The following EIPR1 variants were observed in gnomAD, a reference collection of about 807,000 sequenced individuals.
The protein encoded by EIPR1 is EARP and GARP complex-interacting protein 1.
Under a neutral mutation model 48.1 loss-of-function variants are expected in EIPR1, and 25 were observed. The ratio of observed to expected loss-of-function variants is 0.52; its 90% confidence interval spans 0.38 to 0.73. EIPR1 has a LOEUF of 0.73. EIPR1 is among the 30% of genes least tolerant of loss of function. The probability of loss-of-function intolerance (pLI) is 0.00; values close to 1 mark genes in which losing one functional copy is unlikely to be tolerated. For missense variants in EIPR1, 415 were observed against 506.2 expected, an observed-to-expected ratio of 0.82 and a Z score of 1.73; for synonymous variants, 204 against 201.9, an observed-to-expected ratio of 1.01 and a Z score of -0.09.
intron 5 of EIPR1, among the ~76,000 whole-genome samples, chr2:3,199,224 C>G (rs1664926735): frequency 6.6e-6 from 1 of 152,124 alleles, no homozygotes; most frequent in Non-Finnish European, 1.5e-5. Context: ...TACGATTGTC[C>G]CTTGTTCCCT....
chr2:3,243,965 G>A (rs904961380), intron 4 of EIPR1, among the ~76,000 whole-genome samples: 4 of 152,172 alleles, frequency 2.6e-5, no homozygotes, highest in Non-Finnish European at 4.4e-5. Flanking sequence ...CCCTTTTGAC[G>A]GACAGAACTC....
At chr2:3,215,533 T>A (rs1261543095) in intron 4 of EIPR1, among the ~76,000 whole-genome samples, 4 of 152,234 alleles carry the variant, frequency 2.6e-5, no homozygotes, top group African/African-American at 9.6e-5. Context: ...ACCTCTGCGA[T>A]AAAGCCATAA....
intron 5 of EIPR1, among the ~76,000 whole-genome samples, chr2:3,207,132 T>C (rs1326656974): frequency 2.0e-5 from 3 of 152,142 alleles, no homozygotes; most frequent in Non-Finnish European, 4.4e-5. Context: ...TCCGCATCCA[T>C]GTACCCACAC....
At chr2:3,255,185 A>T (rs1351084054) in intron 4 of EIPR1, among the ~76,000 whole-genome samples, 3 of 130,854 alleles carry the variant, frequency 2.3e-5, no homozygotes, top group South Asian at 5.6e-4. Context: ...TTACTTTCTT[A>T]CTTTCTTTTT....
intron 5 of EIPR1, among the ~76,000 whole-genome samples, chr2:3,209,807 T>A (rs1309520017): frequency 6.6e-6 from 1 of 152,116 alleles, no homozygotes; most frequent in Non-Finnish European, 1.5e-5. Flanking sequence ...CTCTGTGACA[T>A]CCTGGAAAAA....
chr2:3,259,458 C>G (rs1299751778), intron 3 of EIPR1, among the ~76,000 whole-genome samples: 2 of 152,188 alleles, frequency 1.3e-5, no homozygotes, highest in East Asian at 3.9e-4. Context: ...AGGTAAGCTA[C>G]CTCCCTTCAA....
At chr2:3,208,504 G>A in intron 5 of EIPR1, 1 of 1,534,752 alleles carries the variant, frequency 6.5e-7, no homozygotes, top group Admixed American at 2.0e-5. Context: ...TATATGATGA[G>A]GAGGTCTGTG....
intron 3 of EIPR1, among the ~76,000 whole-genome samples, chr2:3,316,796 CCT>C (rs1491358391): frequency 6.6e-6 from 1 of 152,268 alleles, no homozygotes; most frequent in African/African-American, 2.4e-5. Context: ...CTCACAGCCC[CCT>C]GACCTGGTCC....
intron 3 of EIPR1, among the ~76,000 whole-genome samples, chr2:3,298,938 T>C (rs1357859695): frequency 1.3e-5 from 2 of 152,074 alleles, no homozygotes; most frequent in African/African-American, 4.8e-5. Flanking sequence ...ACTTCTCCCT[T>C]ACCTACCCCG....
chr2:3,244,880 A>C (rs1666748119), intron 4 of EIPR1, among the ~76,000 whole-genome samples: 1 of 152,198 alleles, frequency 6.6e-6, no homozygotes, highest in South Asian at 2.1e-4. Context: ...TTGCTTCATA[A>C]AAGGATCAAC....
chr2:3,334,917 T>C lies in EIPR1; in HGVS notation c.259+3100A>G, dbSNP rs1247047741. On this transcript the variant is annotated intron_variant, in intron 3 of 8. Transcript: ENST00000382125. ...TGGAAATCACGAGATCCAGGGTAACTTGAAGGACACAATCAACTTACACCT... is the reference window on the plus strand; with the variant it reads ...TGGAAATCACGAGATCCAGGGTAACCTGAAGGACACAATCAACTTACACCT... Among the ~76,000 whole-genome samples, 4 of 152,322 alleles carry C rather than the reference T, an allele frequency of 2.6e-5. No homozygotes were observed. The South Asian group carries it at 6.2e-4, about 24-fold the overall frequency.
At chr2:3,360,415 A>AG (rs1044731400) in intron 1 of EIPR1, among the ~76,000 whole-genome samples, 14 of 150,146 alleles carry the variant, frequency 9.3e-5, no homozygotes, top group Admixed American at 2.0e-4. Context: ...AAAAAAAAAA[A>AG]AAAGAAAGAA....
At chr2:3,219,909 TA>T (rs1572316079) in intron 4 of EIPR1, among the ~76,000 whole-genome samples, 1 of 152,172 alleles carries the variant, frequency 6.6e-6, no homozygotes, top group African/African-American at 2.4e-5. Flanking sequence ...TACCAATCCA[TA>T]TCCTGTTAGG....
chr2:3,225,704 T>C (rs1666042476), intron 4 of EIPR1, among the ~76,000 whole-genome samples: 1 of 152,208 alleles, frequency 6.6e-6, no homozygotes, highest in Admixed American at 6.5e-5. Flanking sequence ...TACACTATTA[T>C]TAACTACAGT....
chr2:3,298,928 A>T (rs1668679742), intron 3 of EIPR1, among the ~76,000 whole-genome samples: 1 of 152,078 alleles, frequency 6.6e-6, no homozygotes, highest in South Asian at 2.1e-4. Flanking sequence ...CTCGGTGTTA[A>T]CTTCTCCCTT....
rs1250374789 is a variant in EIPR1, at chr2:3,202,970, T to C, written c.517-5953A>G. ...CCATGACAGCAGATGTGGTTTTTGTTCTCACACTCGGTGTCTGGCTGCCGA... is the reference window on the plus strand; with the variant it reads ...CCATGACAGCAGATGTGGTTTTTGTCCTCACACTCGGTGTCTGGCTGCCGA... On this transcript the variant is annotated intron_variant, in intron 5 of 8. Transcript: ENST00000382125. Among the ~76,000 whole-genome samples the C allele has an allele frequency of 2.6e-5, 4 of 152,344 alleles. No individual in the cohort carries two copies. In the East Asian group the frequency reaches 7.7e-4, roughly 29 times the overall value.
At chr2:3,353,794 C>A (rs1670648740) in intron 2 of EIPR1, among the ~76,000 whole-genome samples, 1 of 152,134 alleles carries the variant, frequency 6.6e-6, no homozygotes, top group Admixed American at 6.5e-5. Flanking sequence ...AGTTTCACTA[C>A]ATCCTATCCA....
intron 2 of EIPR1, among the ~76,000 whole-genome samples, chr2:3,341,464 C>T (rs1434927098): frequency 1.3e-5 from 2 of 151,264 alleles, no homozygotes; most frequent in Non-Finnish European, 2.9e-5. Flanking sequence ...CGTGTATGTG[C>T]GTGGGAGTGC....
intron 3 of EIPR1, among the ~76,000 whole-genome samples, chr2:3,287,917 G>T (rs940954007): frequency 2.0e-5 from 3 of 152,002 alleles, no homozygotes; most frequent in African/African-American, 7.3e-5. Flanking sequence ...GTACCCAGGC[G>T]GTGGAGGGGC....
Sources: gnomAD v4.1 joint callset for allele counts (sites outside exome capture counted in the v4.1 genomes callset) on GRCh38, gnomAD v4.1.1 for gene constraint, MANE v1.5 for transcripts, NCBI Gene and HGNC (gene_info 2026-07-23, HGNC 2026-07-21) for gene names.